The following POLN variants were observed in gnomAD, a reference collection of about 807,000 sequenced individuals.
POLN encodes DNA polymerase nu.
Under a neutral mutation model 113.5 loss-of-function variants are expected in POLN, and 108 were observed. The ratio of observed to expected loss-of-function variants is 0.95; its 90% confidence interval spans 0.81 to 1.12. The LOEUF is 1.12. POLN is among the 50% of genes most tolerant of loss of function. The probability of loss-of-function intolerance (pLI) is 0.00; values close to 1 mark genes in which losing one functional copy is unlikely to be tolerated. For missense variants in POLN, 1,097 were observed against 1,077.1 expected (o/e 1.02, Z -0.26); for synonymous variants, 386 against 391.5 (o/e 0.99, Z 0.17).
At chr4:2,222,230 C>T (rs1027414455) in intron 3 of POLN, among the ~76,000 whole-genome samples, 15 of 152,020 alleles carry the variant, frequency 9.9e-5, no homozygotes, top group African/African-American at 3.6e-4. Context: ...CATCCTGTAT[C>T]TCAGGGTCTG....
chr4:2,236,711 A>G (rs1172904672), intron 2 of POLN, among the ~76,000 whole-genome samples: 1 of 151,722 alleles, frequency 6.6e-6, no homozygotes, highest in Non-Finnish European at 1.5e-5. Context: ...TACAAAAAAA[A>G]AGTTAGCCGG....
intron 19 of POLN, among the ~76,000 whole-genome samples, chr4:2,107,568 A>G (rs1002143612): frequency 6.6e-6 from 1 of 152,216 alleles, no homozygotes; most frequent in Non-Finnish European, 1.5e-5. Flanking sequence ...GGGACCAGCC[A>G]GGAAGTTATT....
chr4:2,212,041 C>A (rs1250606607), intron 4 of POLN, among the ~76,000 whole-genome samples: 1 of 152,102 alleles, frequency 6.6e-6, no homozygotes. Flanking sequence ...GGCAAATAAT[C>A]ATCCCATCAA....
intron 3 of POLN, chr4:2,228,796 G>C (rs1474133007): frequency 3.7e-6 from 1 of 271,756 alleles, no homozygotes; most frequent in Non-Finnish European, 7.0e-6. Flanking sequence ...GTACAGGTTT[G>C]ATGACCTGAG....
At chr4:2,198,376 T>G in intron 6 of POLN, 148 bp downstream of exon 6, 1 of 629,626 alleles carries the variant, frequency 1.6e-6, no homozygotes, top group South Asian at 3.7e-5. Context: ...TTTGCAGAGA[T>G]TTCTATCACT....
Position 2,071,957 on chromosome 4 carries a change from G to A in POLN, c.*157C>T, listed in dbSNP as rs967113042. 6.0e-6 allele frequency: 5 copies of A among 839,564 alleles called. No homozygotes were observed. Among genetic ancestry groups the A allele is most frequent in the East Asian group, 2.6e-5 (1 of 39,204 alleles). 52.0% of individuals were successfully genotyped at this position (839,564 alleles called of 1,614,324 possible). On this transcript the variant is annotated 3_prime_UTR_variant, in exon 26 of 26. Transcript: ENST00000511885. The surrounding 1 kb of genome is among the most constrained non-coding windows in gnomAD (Gnocchi z 5.2). ...AGGAAGAATTCACTCAGACAAGGAT[G>A]AGGAGGGCTTTGCACAGGCATTTAC...
At chr4:2,137,371 A>C (rs1465994521) in intron 16 of POLN, among the ~76,000 whole-genome samples, 2 of 152,244 alleles carry the variant, frequency 1.3e-5, no homozygotes, top group Non-Finnish European at 2.9e-5. Flanking sequence ...CTTGATTAAA[A>C]GAAAATCCAA....
At chr4:2,190,445 A>T (rs1467838897) in intron 7 of POLN, among the ~76,000 whole-genome samples, 1 of 151,814 alleles carries the variant, frequency 6.6e-6, no homozygotes, top group Non-Finnish European at 1.5e-5. Context: ...AAACATTGGG[A>T]AAATGCTCCA....
intron 3 of POLN, among the ~76,000 whole-genome samples, chr4:2,224,265 C>T (rs547351154): frequency 3.7e-4 from 56 of 152,292 alleles, no homozygotes; most frequent in African/African-American, 1.3e-3. Flanking sequence ...TGTATCTTGT[C>T]CCCCTGGAAG....
intron 16 of POLN, among the ~76,000 whole-genome samples, chr4:2,152,101 A>G (rs1270448753): frequency 6.7e-6 from 1 of 148,822 alleles, no homozygotes; most frequent in African/African-American, 2.5e-5. Context: ...GTATCATCTC[A>G]GCTCACTGTG....
At chr4:2,238,766 C>T in intron 2 of POLN, 2 of 1,613,780 alleles carry the variant, frequency 1.2e-6, no homozygotes, top group Non-Finnish European at 1.7e-6. Context: ...CCGATGCTTT[C>T]TTAATTCAAT....
rs777461525 is a variant in POLN, at chr4:2,072,968, C to T, written c.2517G>A (p.Gln839=). 4.3e-6 allele frequency: 7 copies of T among 1,613,234 alleles called. No individual in the cohort carries two copies. Among genetic ancestry groups the T allele is most frequent in the Non-Finnish European group, 5.1e-6 (6 of 1,179,916 alleles). ...EQVQALELQL[Q]VPLKVSLSAG... ...CGGGCAGGCTTAAGTGTCCCCTCAC[C>T]TGAAGCTGCAGCTCCAATGCCTGCA... The change falls in exon 25 of 26, where the codon CAG becomes CAA. Residue 839 remains glutamine, a splice_region_variant and synonymous_variant. Coordinates refer to ENST00000511885, the MANE Select transcript of POLN (RefSeq NM_181808.4).
intron 19 of POLN, among the ~76,000 whole-genome samples, chr4:2,123,603 C>T (rs1458223813): frequency 4.7e-5 from 6 of 127,722 alleles, no homozygotes; most frequent in Middle Eastern, 5.5e-3. Context: ...CCAGTCTGGG[C>T]GACAGGGTGA....
intron 8 of POLN, among the ~76,000 whole-genome samples, chr4:2,176,768 T>A (rs1733007648): frequency 6.6e-6 from 1 of 152,048 alleles, no homozygotes. Flanking sequence ...TACCCCTCCA[T>A]TCTCACCCCA....
intron 25 of POLN, 41 bp from the exon 26 acceptor site, chr4:2,072,340 G>A: frequency 6.9e-7 from 1 of 1,455,586 alleles, no homozygotes; most frequent in Non-Finnish European, 9.1e-7. Flanking sequence ...GCCTGGGCCA[G>A]CCACCCCCAG....
intron 16 of POLN, 73 bp from the exon 17 acceptor site, chr4:2,131,363 A>T (rs1731724771): frequency 2.0e-6 from 2 of 993,264 alleles, no homozygotes; most frequent in Admixed American, 2.4e-5. Flanking sequence ...TATTTAATGT[A>T]CATCACATTT....
intron 3 of POLN, among the ~76,000 whole-genome samples, chr4:2,216,122 C>T (rs547881019): frequency 3.7e-4 from 56 of 152,356 alleles, no homozygotes; most frequent in Non-Finnish European, 6.2e-4. Context: ...CTGACGCCCA[C>T]GGTCAGCCAC....
intron 16 of POLN, chr4:2,156,510 A>C: frequency 1.7e-6 from 1 of 575,108 alleles, no homozygotes; most frequent in Admixed American, 2.2e-5. Flanking sequence ...TCTGAAAAGG[A>C]AGATGGGGTA....
chr4:2,188,359 G>C (rs981041942), intron 7 of POLN, among the ~76,000 whole-genome samples: 3 of 152,170 alleles, frequency 2.0e-5, no homozygotes, highest in African/African-American at 7.2e-5. Context: ...CCAGCACTTT[G>C]GGAGGCCGAG....
Sources: gnomAD v4.1 joint callset for allele counts (sites outside exome capture counted in the v4.1 genomes callset) on GRCh38, gnomAD v4.1.1 for gene constraint, Gnocchi (gnomAD v3.1) non-coding constraint, MANE v1.5 for transcripts, NCBI Gene and HGNC (gene_info 2026-07-23, HGNC 2026-07-21) for gene names.